Variants in PPARG observed in about 807,000 individuals in gnomAD.
PPARG encodes the protein peroxisome proliferator-activated receptor gamma.
A neutral mutation model predicts 39.2 loss-of-function variants in PPARG; 17 were observed. The ratio of observed to expected loss-of-function variants is 0.43; its 90% CI spans 0.30 to 0.65. The LOEUF is 0.65. Ranked by LOEUF, PPARG falls within the 30% of genes least tolerant of loss-of-function variation. The pLI is 0.13. For missense variants in PPARG, 406 were observed against 585.9 expected, an observed-to-expected ratio of 0.69 and a Z score of 3.17; for synonymous variants, 223 against 215.7, an observed-to-expected ratio of 1.03 and a Z score of -0.30.
At chr3:12,318,174 A>G (rs1037248821) in intron 2 of PPARG, among the ~76,000 whole-genome samples, 2 of 152,160 alleles carry the variant, frequency 1.3e-5, no homozygotes, top group African/African-American at 2.4e-5. Flanking sequence ...AGGCCTTGCT[A>G]TGTTGCTCAG....
chr3:12,401,859 TG>T (rs948652696), intron 5 of PPARG, among the ~76,000 whole-genome samples: 2 of 152,272 alleles, frequency 1.3e-5, no homozygotes, highest in Non-Finnish European at 1.5e-5. Flanking sequence ...AGTTAGCCTT[TG>T]GGGGGAACTT....
In PPARG at chr3:12,381,313, C is replaced by T. The variant is rs1254373022; in HGVS notation, c.221-9C>T. On this transcript the variant is annotated splice_polypyrimidine_tract_variant and intron_variant, in intron 3 of 7. Coordinates refer to ENST00000651735, the MANE Select transcript of PPARG (RefSeq NM_138711.6). The stretch of plus-strand genomic sequence containing the variant: ...GGATAATTATCCTCTCACATGTCTC[C>T]ATACACAGGTGCAATCAAAGTGGAG... 6.2e-7 allele frequency: 1 copy of T among 1,612,398 alleles called. No homozygotes were observed. Among genetic ancestry groups the T allele is most frequent in the East Asian group, 2.2e-5 (1 of 44,734 alleles).
At chr3:12,308,087 G>C (rs987135075) in intron 1 of PPARG, among the ~76,000 whole-genome samples, 1 of 152,060 alleles carries the variant, frequency 6.6e-6, no homozygotes, top group African/African-American at 2.4e-5. Flanking sequence ...ATAGGAGGCC[G>C]TGCACAGTGA....
At chr3:12,431,787 G>T (rs536204067) in intron 7 of PPARG, among the ~76,000 whole-genome samples, 3 of 152,098 alleles carry the variant, frequency 2.0e-5, no homozygotes, top group East Asian at 1.9e-4. Context: ...AAAAAATTTC[G>T]AAATTAGTTG....
chr3:12,371,718 G>C, intron 2 of PPARG: 2 of 459,534 alleles, frequency 4.4e-6, no homozygotes, highest in Non-Finnish European at 8.3e-6. Flanking sequence ...GCCAGGCTCA[G>C]AGGAGCCAAG....
At chr3:12,330,303 A>T (rs568984015) in intron 2 of PPARG, among the ~76,000 whole-genome samples, 1,859 of 47,262 alleles carry the variant, frequency 0.039, 8 homozygotes, top group African/African-American at 0.06. Flanking sequence ...ACCTTTTTTT[A>T]AAAAAAAAAA....
chr3:12,409,572 A>C (rs1447752438), intron 6 of PPARG, among the ~76,000 whole-genome samples: 3 of 152,160 alleles, frequency 2.0e-5, no homozygotes, highest in Non-Finnish European at 2.9e-5. Context: ...TGATAGGAAA[A>C]GTTTTGCAGA....
intron 2 of PPARG, among the ~76,000 whole-genome samples, chr3:12,346,142 T>C (rs956530307): frequency 3.3e-5 from 5 of 152,214 alleles, no homozygotes; most frequent in African/African-American, 7.2e-5. Context: ...TAGTCTCTTT[T>C]TCAGGTATTA....
chr3:12,426,256 T>C (rs553313907), intron 7 of PPARG, among the ~76,000 whole-genome samples: 113 of 152,362 alleles, frequency 7.4e-4, no homozygotes, highest in Middle Eastern at 6.8e-3. Flanking sequence ...AGTGTCAGAA[T>C]GTTAACCCAC....
chr3:12,416,583 C>T, intron 6 of PPARG, 121 bp from the exon 7 acceptor site: 1 of 917,074 alleles, frequency 1.1e-6, no homozygotes, highest in Non-Finnish European at 1.7e-6. Context: ...TAAGCATCTT[C>T]AGCTTTAAAG....
intron 1 of PPARG, among the ~76,000 whole-genome samples, chr3:12,291,998 G>T (rs1046927665): frequency 6.6e-6 from 1 of 152,114 alleles, no homozygotes. Context: ...CTGATATTCT[G>T]AAAAGAACCT....
chr3:12,402,815 C>T (rs989088927), intron 5 of PPARG, among the ~76,000 whole-genome samples: 1 of 152,180 alleles, frequency 6.6e-6, no homozygotes, highest in African/African-American at 2.4e-5. Flanking sequence ...GAATGTAGTA[C>T]AGCCATCCCT....
intron 7 of PPARG, among the ~76,000 whole-genome samples, chr3:12,430,482 A>G (rs1438499570): frequency 6.6e-6 from 1 of 152,254 alleles, no homozygotes; most frequent in Non-Finnish European, 1.5e-5. Context: ...TCAGCTCTGC[A>G]TTTACTAGCA....
chr3:12,390,614 T>G (rs150269986), intron 4 of PPARG, among the ~76,000 whole-genome samples: 1,801 of 149,754 alleles, frequency 0.012, 52 homozygotes, highest in African/African-American at 0.042. Flanking sequence ...TTACATAGTA[T>G]GTGATAAAGC....
At chr3:12,293,597 G>A (rs902043728) in intron 1 of PPARG, among the ~76,000 whole-genome samples, 2 of 152,156 alleles carry the variant, frequency 1.3e-5, no homozygotes, top group Non-Finnish European at 2.9e-5. Context: ...CAGGTTGCAT[G>A]ATTACTGTGT....
At chr3:12,393,190 A>ATTTTTTTTTTTTTTTTTTTTTTTTTTT (rs143287325) in intron 5 of PPARG, among the ~76,000 whole-genome samples, 1 of 111,542 alleles carries the variant, frequency 9.0e-6, no homozygotes, top group Non-Finnish European at 1.8e-5. Context: ...GATTCATTTA[A>ATTTTTTTTTTTTTTTTTTTTTTTTTTT]TTTTTTTTTT....
Position 12,434,194 on chromosome 3 carries a change from A to G in PPARG, c.*49A>G. ...ACATTTCCCTTCTTCCAGTTGCACT[A>G]TTCTGAGGGAAAATCTGACACCTAA... On this transcript the variant is annotated 3_prime_UTR_variant, in exon 8 of 8. Transcript: ENST00000651735. This position sits in a 1 kb window ranked among gnomAD's most constrained non-coding sequence, Gnocchi z 4.2. 5.0e-6 allele frequency: 8 copies of G among 1,612,432 alleles called. No individual in the cohort carries two copies. Among genetic ancestry groups the G allele is most frequent in the Non-Finnish European group, 6.8e-6 (8 of 1,178,896 alleles).
chr3:12,401,513 G>A (rs572761175), intron 5 of PPARG, among the ~76,000 whole-genome samples: 48 of 151,876 alleles, frequency 3.2e-4, no homozygotes, highest in Admixed American at 8.5e-4. Context: ...ATCACCTCAC[G>A]TGAGGTAGAT....
Position 12,319,674 on chromosome 3 carries a change from C to CT in PPARG, c.-9+7234dup, listed in dbSNP as rs879608353. On this transcript the variant is annotated intron_variant, in intron 2 of 7. Transcript: ENST00000651735. ...AGAGATATTTAATACTCAATTTTTA[C>CT]TTTTTTTTTTTTTAACTGATGCTGA... Among the ~76,000 whole-genome samples, 750 of 143,192 alleles carry CT rather than the reference C, an allele frequency of 5.2e-3. 5 individuals are homozygous for CT. The highest frequency in any genetic ancestry group is 0.013 in the African/African-American group (496 of 39,242). The allele number at this position is 143,192 out of a possible 152,430, so 93.9% of individuals were successfully genotyped here.
Sources: allele counts gnomAD v4.1 joint callset (sites outside exome capture counted in the v4.1 genomes callset), GRCh38; gene constraint gnomAD v4.1.1; non-coding constraint Gnocchi (gnomAD v3.1); transcripts MANE v1.5; gene names NCBI Gene and HGNC (gene_info 2026-07-23, HGNC 2026-07-21).